The following TMEM67 variants were observed in gnomAD, a reference collection of about 807,000 sequenced individuals.
TMEM67 encodes transmembrane protein 67.
In TMEM67, 124 loss-of-function variants were observed where a neutral mutation model predicts 136.6. The ratio of observed to expected loss-of-function variants is 0.91; its 90% CI spans 0.78 to 1.05. The LOEUF is 1.05. TMEM67 is among the 50% of genes least tolerant of loss of function. The pLI is 0.00. For missense variants in TMEM67, 1,107 were observed against 1,178.4 expected, an observed-to-expected ratio of 0.94 and a Z score of 0.89; for synonymous variants, 364 against 390.5, an observed-to-expected ratio of 0.93 and a Z score of 0.80.
At chr8:93,772,696 T>C (rs1467388245) in intron 7 of TMEM67, 45 bp downstream of exon 7, 1 of 1,421,000 alleles carries the variant, frequency 7.0e-7, no homozygotes, top group Admixed American at 1.7e-5. Flanking sequence ...TTTTGAAGAA[T>C]TATACCATTT....
At position 93,785,393 on chromosome 8, in the gene TMEM67, C is replaced by T. The variant is rs1057523004; in HGVS notation, c.1288+15C>T. On this transcript the variant is annotated intron_variant, in intron 12 of 27. Transcript: ENST00000453321. ...TGTGAACCAAGGTAAGACATCCATACATACCACTCTTTTCCCTGAGCAGAA... is the reference window on the plus strand; with the variant it reads ...TGTGAACCAAGGTAAGACATCCATATATACCACTCTTTTCCCTGAGCAGAA... 8.1e-6 allele frequency: 13 copies of T among 1,610,040 alleles called. No homozygotes were observed. Among genetic ancestry groups the T allele is most frequent in the African/African-American group, 8.0e-5 (6 of 74,924 alleles).
chr8:93,804,700 C>G (rs573757320), intron 22 of TMEM67, 62 bp from the exon 23 acceptor site: 59 of 933,334 alleles, frequency 6.3e-5, no homozygotes, highest in Admixed American at 2.4e-4. Flanking sequence ...TTAAGGAAAA[C>G]TTAATTTTTT....
Position 93,780,723 on chromosome 8 carries a change from G to T in TMEM67, c.845G>T (p.Ser282Ile). The change falls in exon 8 of 28, where the codon AGC (serine) becomes ATC (isoleucine). Residue 282 changes from serine (S) to isoleucine (I), a missense_variant. This residue lies in a region of TMEM67 where 925 missense variants were observed against 1,002.4 expected (regional missense o/e 0.92). Coordinates refer to ENST00000453321, the MANE Select transcript of TMEM67 (RefSeq NM_153704.6). ...ATCTTTGAAAATACTGCTGGACTGAGCACTGTTCATTCTATTTCATTTTGG... is the reference window on the plus strand; with the variant it reads ...ATCTTTGAAAATACTGCTGGACTGATCACTGTTCATTCTATTTCATTTTGG... Reference protein sequence around the residue: ...QFIFENTAGLSTVHSISFWRQ... With the variant: ...QFIFENTAGLITVHSISFWRQ... 1.9e-6 allele frequency: 3 copies of T among 1,613,960 alleles called. No homozygotes were observed. Among genetic ancestry groups the T allele is most frequent in the Non-Finnish European group, 2.5e-6 (3 of 1,180,034 alleles).
intron 16 of TMEM67, chr8:93,795,138 G>T (rs1814548965): frequency 1.9e-6 from 1 of 514,260 alleles, no homozygotes; most frequent in South Asian, 2.2e-5. Context: ...CCAACTAAGA[G>T]AAAATTAGGA....
chr8:93,814,080 G>C (rs1808803199), intron 26 of TMEM67, among the ~76,000 whole-genome samples: 1 of 151,224 alleles, frequency 6.6e-6, no homozygotes, highest in Non-Finnish European at 1.5e-5. Context: ...TGCTTCAGTG[G>C]TTCTCTGGAT....
intron 23 of TMEM67, among the ~76,000 whole-genome samples, chr8:93,807,726 T>C (rs1257108507): frequency 6.6e-6 from 1 of 152,054 alleles, no homozygotes; most frequent in Admixed American, 6.6e-5. Flanking sequence ...CATGTATTCT[T>C]CCTTTAAGTG....
chr8:93,788,283 G>A (rs1814208470), intron 14 of TMEM67, among the ~76,000 whole-genome samples: 1 of 152,054 alleles, frequency 6.6e-6, no homozygotes, highest in Non-Finnish European at 1.5e-5. Flanking sequence ...AGATTTTGTG[G>A]GTCACGCACA....
At chr8:93,822,432 C>T (rs1426637154), downstream of TMEM67, among the ~76,000 whole-genome samples, 1 of 152,188 alleles carries the variant, frequency 6.6e-6, no homozygotes, top group Non-Finnish European at 1.5e-5. Context: ...TTTGGTTGGA[C>T]TATCCTGAAT....
At chr8:93,769,255 A>G (rs1813226194) in intron 6 of TMEM67, among the ~76,000 whole-genome samples, 1 of 152,216 alleles carries the variant, frequency 6.6e-6, no homozygotes, top group African/African-American at 2.4e-5. Flanking sequence ...GAGGCGAGCA[A>G]GGGGTACCTG....
In TMEM67 at chr8:93,755,789, G is replaced by A; in HGVS notation, c.235G>A (p.Val79Ile). The A allele has an allele frequency of 1.6e-6, 1 of 614,782 alleles. No homozygotes were observed. The highest frequency in any genetic ancestry group is 2.7e-6 in the Non-Finnish European group (1 of 372,970). The allele number at this position is 614,782 out of a possible 1,614,324, so 38.1% of individuals were successfully genotyped here. A position where few individuals can be genotyped will look rare whatever the true frequency, so the allele number is the denominator to read the frequency against. Residue 79 changes from valine (V) to isoleucine (I), a missense_variant, in exon 2 of 28, where the codon GTA (valine) becomes ATA (isoleucine). This residue lies in a region of TMEM67 where 178 missense variants were observed against 159.2 expected (regional missense o/e 1.12). Transcript: ENST00000453321. ...TTTTTTTTTTTTAGGAACTTCATGT[G>A]TATGTCTACCAGGATTTCAGATGAT... ...QRQDARGTSC[V>I]CLPGFQMISN...
In TMEM67 at chr8:93,795,943, G is replaced by T. The variant is rs1399376784; in HGVS notation, c.1816G>T (p.Glu606Ter). The change falls in exon 18 of 28, where the codon GAA becomes TAA. Residue 606 changes from glutamate to a stop codon, truncating the protein, a stop_gained. Transcript: ENST00000453321. LOFTEE classifies it high-confidence loss of function. ...VSVLLPMPIQ[E>*]ERFVTYVGCA... ...TGTTTTGCTGCCAATGCCAATTCAG[G>T]AAGAACGTTTTGTCACTTATGTTGG... 6.2e-7 allele frequency: 1 copy of T among 1,613,548 alleles called. No homozygotes were observed. Among genetic ancestry groups the T allele is most frequent in the Non-Finnish European group, 8.5e-7 (1 of 1,179,644 alleles).
In TMEM67 at chr8:93,816,329, C is replaced by T. The variant is rs56307046; in HGVS notation, c.2908-43C>T. ...TTTTAATCGACGTGCATATTTAATT[C>T]TGTTTATATTTCTTTTCATTCTGAA... On this transcript the variant is annotated intron_variant, in intron 27 of 27. Coordinates refer to ENST00000453321, the MANE Select transcript of TMEM67 (RefSeq NM_153704.6). 4.6e-3 allele frequency: 4,431 copies of T among 970,454 alleles called. 130 individuals carry two copies. In the African/African-American group the frequency reaches 0.062, roughly 14 times the overall value. 60.1% of individuals were successfully genotyped at this position (970,454 alleles called of 1,614,324 possible).
intron 14 of TMEM67, among the ~76,000 whole-genome samples, chr8:93,790,288 A>G (rs758274032): frequency 2.6e-5 from 4 of 152,134 alleles, no homozygotes; most frequent in East Asian, 1.9e-4. Flanking sequence ...TTCCTCTTTA[A>G]TATTTCAGAA....
chr8:93,793,930 G>C (rs893417022), intron 16 of TMEM67, among the ~76,000 whole-genome samples: 1 of 151,666 alleles, frequency 6.6e-6, no homozygotes, highest in East Asian at 1.9e-4. Flanking sequence ...TCACTCTGTC[G>C]CTGAGGCTGG....
At chr8:93,762,914 A>T (rs1283589116) in intron 3 of TMEM67, 1 of 435,416 alleles carries the variant, frequency 2.3e-6, no homozygotes, top group South Asian at 1.7e-5. Context: ...TGTTAGATTT[A>T]CCTGATTCTT....
intron 6 of TMEM67, among the ~76,000 whole-genome samples, chr8:93,772,254 T>C (rs890348034): frequency 5.3e-5 from 8 of 152,352 alleles, no homozygotes; most frequent in African/African-American, 1.9e-4. Context: ...TTATAATAAT[T>C]ATAAACCAGT....
chr8:93,814,297 G>A (rs1336618223), intron 26 of TMEM67, among the ~76,000 whole-genome samples: 2 of 151,600 alleles, frequency 1.3e-5, no homozygotes, highest in African/African-American at 4.8e-5. Context: ...CCGCCACCAT[G>A]CGTGGCTAAT....
rs948257582 is a variant in TMEM67 at position 93,797,412 on chromosome 8, A to G, written c.2042A>G (p.Gln681Arg). Residue 681 changes from glutamine to arginine, a missense_variant, in exon 20 of 28, where the codon CAG becomes CGG. By Grantham distance (43) the Gln-to-Arg change is conservative. This residue lies in a region of TMEM67 where 925 missense variants were observed against 1,002.4 expected (regional missense o/e 0.92). Coordinates refer to ENST00000453321, the MANE Select transcript of TMEM67 (RefSeq NM_153704.6). ...GTAGCAAATGAATGGAATGAAATTCAGACTGTGAGAAAAATTAATTCACTC... is the reference window on the plus strand; with the variant it reads ...GTAGCAAATGAATGGAATGAAATTCGGACTGTGAGAAAAATTAATTCACTC... ...YFVANEWNEIQTVRKINSLFQ... is the reference protein window; with the variant it reads ...YFVANEWNEIRTVRKINSLFQ... The G allele has an allele frequency of 2.5e-6, 4 of 1,613,876 alleles. No homozygotes were observed. The highest frequency in any genetic ancestry group is 1.7e-5 in the Admixed American group (1 of 60,006).
downstream of TMEM67, chr8:93,818,966 T>C (rs1270760129): frequency 7.4e-6 from 3 of 405,728 alleles, no homozygotes; most frequent in South Asian, 3.6e-5. Flanking sequence ...CATGCCCAGC[T>C]AATTTTTTGT....
Sources: allele counts gnomAD v4.1 joint callset (sites outside exome capture counted in the v4.1 genomes callset), GRCh38; gene constraint gnomAD v4.1.1; regional missense constraint gnomAD v4.1.1; transcripts MANE v1.5; gene names NCBI Gene and HGNC (gene_info 2026-07-23, HGNC 2026-07-21).